Variants in GTF2I observed in about 807,000 individuals in gnomAD.
The protein encoded by GTF2I is general transcription factor II-I.
A neutral mutation model predicts 67.6 loss-of-function variants in GTF2I; 12 were observed. The observed-to-expected ratio is 0.18, with a 90% CI of 0.11 to 0.29. The LOEUF is 0.29. Ranked by LOEUF, GTF2I falls within the 10% of genes least tolerant of loss-of-function variation. The pLI, the probability that GTF2I is intolerant of heterozygous loss-of-function variation, is 1.00. For missense variants in GTF2I, 271 were observed against 580.1 expected (o/e 0.47, Z 5.47); for synonymous variants, 149 against 197.0 (o/e 0.76, Z 2.04).
rs587607957 is a variant in GTF2I, at chr7:74,679,210, C to T, written c.-5-9914C>T. On this transcript the variant is annotated intron_variant, in intron 1 of 34. Transcript: ENST00000573035. ...TCTCCTGCCTCAGCCTCCTGAGTAG[C>T]TGGGATTACAGGCGCCCACCACACC... Among the ~76,000 whole-genome samples the T allele has an allele frequency of 2.0e-5, 3 of 151,924 alleles. No homozygotes were observed. The East Asian group carries it at 5.8e-4, about 29-fold the overall frequency.
intron 10 of GTF2I, among the ~76,000 whole-genome samples, chr7:74,716,154 G>C (rs587632875): frequency 6.6e-6 from 1 of 151,994 alleles, no homozygotes; most frequent in South Asian, 2.1e-4. Flanking sequence ...ACAAATTAGG[G>C]GGCAGCTTGC....
intron 3 of GTF2I, among the ~76,000 whole-genome samples, chr7:74,692,524 C>T (rs1788423327): frequency 6.6e-6 from 1 of 152,178 alleles, no homozygotes; most frequent in African/African-American, 2.4e-5. Context: ...TTGTAATCTG[C>T]ATTTAGAGCA....
At chr7:74,675,257 G>T (rs1805793350) in intron 1 of GTF2I, among the ~76,000 whole-genome samples, 2 of 152,098 alleles carry the variant, frequency 1.3e-5, no homozygotes, top group Admixed American at 1.3e-4. Context: ...TCTTAACTCA[G>T]GTTTGTCCAG....
rs1554399167 is a variant in GTF2I, at chr7:74,699,020, A to C, written c.298A>C (p.Asn100His). 6.5e-7 allele frequency: 1 copy of C among 1,548,728 alleles called. No homozygotes were observed. The highest frequency in any genetic ancestry group is 1.8e-5 in the Admixed American group (1 of 55,620). The change falls in exon 4 of 35, where the codon AAT (asparagine) becomes CAT (histidine). Residue 100 changes from asparagine to histidine, a missense_variant. Physicochemically the swap from Asn to His is moderately conservative, Grantham distance 68 (BLOSUM62 1). Around this residue, in one of 9 missense-constraint regions of GTF2I, gnomAD observed 72 missense variants for 87.4 expected, o/e 0.82. Coordinates refer to ENST00000573035, the MANE Select transcript of GTF2I (RefSeq NM_032999.4). ...MHKMKSTTQA[N>H]RMSVDAVEIE... ...TAAAATGAAATCTACAACCCAGGCA[A>C]ATCGGATGAGTGTAGATGCTGTAGA...
intron 1 of GTF2I, among the ~76,000 whole-genome samples, chr7:74,658,271 C>T (rs1289326371): frequency 1.3e-5 from 2 of 149,824 alleles, no homozygotes; most frequent in Non-Finnish European, 3.0e-5. Context: ...CTCGCCGGGT[C>T]TCGAGCCCCG....
At chr7:74,681,159 G>T (rs187416581) in intron 1 of GTF2I, among the ~76,000 whole-genome samples, 7 of 152,342 alleles carry the variant, frequency 4.6e-5, no homozygotes, top group African/African-American at 1.4e-4. Context: ...GGGAGGCTGG[G>T]CGCAGTGGCT....
intron 3 of GTF2I, among the ~76,000 whole-genome samples, chr7:74,694,033 C>T (rs1244120204): frequency 2.0e-5 from 3 of 152,020 alleles, no homozygotes; most frequent in Non-Finnish European, 4.4e-5. Flanking sequence ...GTGGAGAATG[C>T]GTAGGAAAAG....
chr7:74,667,836 C>CT (rs76958371), intron 1 of GTF2I, among the ~76,000 whole-genome samples: 3,812 of 138,644 alleles, frequency 0.027, 47 homozygotes, highest in Non-Finnish European at 0.036. Flanking sequence ...CCAAAAGAAA[C>CT]TTTTTTTTTT....
At chr7:74,668,301 A>G (rs1486890315) in intron 1 of GTF2I, among the ~76,000 whole-genome samples, 3 of 141,714 alleles carry the variant, frequency 2.1e-5, no homozygotes, top group South Asian at 2.2e-4. Context: ...TGGTTTTTGG[A>G]GTCTTTGTTT....
intron 2 of GTF2I, among the ~76,000 whole-genome samples, chr7:74,689,854 T>C (rs1253524337): frequency 6.6e-6 from 1 of 152,138 alleles, no homozygotes; most frequent in East Asian, 1.9e-4. Flanking sequence ...TAGCTGGGAT[T>C]GCAGGTGTGC....
In GTF2I at chr7:74,687,286, G is replaced by A. The variant is rs139996969; in HGVS notation, c.-5-1838G>A. Among the ~76,000 whole-genome samples, 14 of 152,056 alleles carry A rather than the reference G, an allele frequency of 9.2e-5. No individual in the cohort carries two copies. In the East Asian group the frequency reaches 2.1e-3, roughly 23 times the overall value. ...GTCGCCCAGGCTGGAGTGCAGCAGC[G>A]CAATCTTGGCTCACTGCAACCTCCG... On this transcript the variant is annotated intron_variant, in intron 1 of 34. Transcript: ENST00000573035.
At chr7:74,688,837 G>A in intron 1 of GTF2I, 1 of 349,452 alleles carries the variant, frequency 2.9e-6, no homozygotes, top group East Asian at 6.1e-5. Context: ...GCCTCGTCTT[G>A]TTCTTACTTG....
rs587618875 is a variant in GTF2I, at chr7:74,716,886, C to A, written c.824-8C>A. On this transcript the variant is annotated splice_polypyrimidine_tract_variant and splice_region_variant and intron_variant, in intron 10 of 34. Transcript: ENST00000573035. ...TGGTTTATTATATGTTGTTTATTTTCTTTTTAGGAAGCCACCATTCTTCAG... is the reference window on the plus strand; with the variant it reads ...TGGTTTATTATATGTTGTTTATTTTATTTTTAGGAAGCCACCATTCTTCAG... The A allele has an allele frequency of 4.4e-6, 7 of 1,588,560 alleles. No individual in the cohort carries two copies. The highest frequency in any genetic ancestry group is 6.0e-6 in the Non-Finnish European group (7 of 1,159,998).
In GTF2I at chr7:74,688,959, T is replaced by C. The variant is rs1787993378; in HGVS notation, c.-5-165T>C. 7.3e-6 allele frequency: 4 copies of C among 547,904 alleles called. No homozygotes were observed. In the South Asian group the frequency reaches 1.0e-4, roughly 14 times the overall value. 33.9% of individuals were successfully genotyped at this position (547,904 alleles called of 1,614,324 possible). A position where few individuals can be genotyped will look rare whatever the true frequency, so the allele number is the denominator to read the frequency against. ...AAATTAGGGGATAGATTCTTTATCT[T>C]ATGAGGGTTTGGGCAAGTCAAATAC... is the stretch of plus-strand genomic sequence containing the variant. On this transcript the variant is annotated intron_variant, in intron 1 of 34. Coordinates refer to ENST00000573035, the MANE Select transcript of GTF2I (RefSeq NM_032999.4).
At chr7:74,705,275 GT>G in intron 7 of GTF2I, 57 bp downstream of exon 7, 1 of 1,015,906 alleles carries the variant, frequency 9.8e-7, no homozygotes, top group Non-Finnish European at 1.6e-6. Flanking sequence ...AGTTTTAGTT[GT>G]TAGATAATTG....
intron 3 of GTF2I, among the ~76,000 whole-genome samples, chr7:74,693,343 T>G (rs1197237627): frequency 6.9e-6 from 1 of 145,088 alleles, no homozygotes; most frequent in Non-Finnish European, 1.5e-5. Flanking sequence ...TGGTGCGATC[T>G]CGGCTCACTG....
At chr7:74,680,079 CAA>C (rs1225904374) in intron 1 of GTF2I, among the ~76,000 whole-genome samples, 2,978 of 30,150 alleles carry the variant, frequency 0.099, 34 homozygotes, top group Middle Eastern at 0.25. Flanking sequence ...GAGTCCATCT[CAA>C]AAAAAAAAAA....
chr7:74,717,196 A>C, intron 11 of GTF2I: 1 of 337,044 alleles, frequency 3.0e-6, no homozygotes. Flanking sequence ...CATGATGCAA[A>C]ATGCTACTTT....
At chr7:74,680,143 T>A (rs1425779139) in intron 1 of GTF2I, among the ~76,000 whole-genome samples, 1 of 140,362 alleles carries the variant, frequency 7.1e-6, no homozygotes, top group Non-Finnish European at 1.5e-5. Context: ...TATACACATA[T>A]ATATATGTAT....
Sources: allele counts gnomAD v4.1 joint callset (sites outside exome capture counted in the v4.1 genomes callset), GRCh38; gene constraint gnomAD v4.1.1; regional missense constraint gnomAD v4.1.1; transcripts MANE v1.5; gene names NCBI Gene and HGNC (gene_info 2026-07-23, HGNC 2026-07-21).